Variants in COPS3 observed in about 807,000 individuals in gnomAD.
The protein encoded by COPS3 is COP9 signalosome complex subunit 3.
Under a neutral mutation model 58.2 loss-of-function variants are expected in COPS3, and 10 were observed. The ratio of observed to expected loss-of-function variants is 0.17; its 90% CI spans 0.11 to 0.29. The LOEUF (loss-of-function observed/expected upper bound fraction) is 0.29. Ranked by LOEUF, COPS3 falls within the 10% of genes least tolerant of loss-of-function variation. The pLI is 1.00. For synonymous variants in COPS3, 187 were observed against 181.7 expected, an observed-to-expected ratio of 1.03 and a Z score of -0.24; for missense variants, 333 against 510.1, an observed-to-expected ratio of 0.65 and a Z score of 3.34.
At chr17:17,266,395 CAT>C (rs1208680559) in intron 5 of COPS3, among the ~76,000 whole-genome samples, 1 of 152,144 alleles carries the variant, frequency 6.6e-6, no homozygotes, top group Non-Finnish European at 1.5e-5. Context: ...AAATAACTAA[CAT>C]AGTTTCCTTT....
At chr17:17,263,505 C>CTTTTTTTTTTTTTTTT (rs1400982096) in intron 6 of COPS3, among the ~76,000 whole-genome samples, 1 of 108,458 alleles carries the variant, frequency 9.2e-6, no homozygotes, top group Non-Finnish European at 1.8e-5. Flanking sequence ...AGCCTCTTGC[C>CTTTTTTTTTTTTTTTT]TTTTCTTTTT....
rs1205286961 is a variant in COPS3 at position 17,246,892 on chromosome 17, C to T, written c.*206G>A. 3.3e-5 allele frequency: 19 copies of T among 579,978 alleles called. No homozygotes were observed. The highest frequency in any genetic ancestry group is 4.6e-5 in the Non-Finnish European group (15 of 322,710). 35.9% of individuals were successfully genotyped at this position (579,978 alleles called of 1,614,324 possible). A position where few individuals can be genotyped will look rare whatever the true frequency, so the allele number is the denominator to read the frequency against. On this transcript the variant is annotated 3_prime_UTR_variant, in exon 12 of 12. Transcript: ENST00000268717. ...AATAATCTGAGGATAAATAAATCCA[C>T]GACAGACTTTAAAGTTTGCAAATCT...
At chr17:17,277,204 A>C (rs1343636730) in intron 1 of COPS3, among the ~76,000 whole-genome samples, 1 of 152,128 alleles carries the variant, frequency 6.6e-6, no homozygotes, top group African/African-American at 2.4e-5. Context: ...CTAGACCCTC[A>C]TCTCAGCTCC....
At chr17:17,247,262 G>T in intron 11 of COPS3, 111 bp from the exon 12 acceptor site, 1 of 1,117,952 alleles carries the variant, frequency 8.9e-7, no homozygotes, top group Non-Finnish European at 1.4e-6. Flanking sequence ...AGCCCCCTGT[G>T]AACAAGGGCA....
intron 8 of COPS3, among the ~76,000 whole-genome samples, chr17:17,257,789 T>A (rs1412313144): frequency 7.5e-6 from 1 of 133,418 alleles, no homozygotes; most frequent in African/African-American, 2.9e-5. Flanking sequence ...AGAGCAAGAC[T>A]CCGTCTCAAA....
intron 10 of COPS3, 27 bp from the exon 11 acceptor site, chr17:17,247,587 G>A (rs763556750): frequency 6.2e-6 from 10 of 1,612,092 alleles, no homozygotes; most frequent in Admixed American, 5.0e-5. Flanking sequence ...TTAGAAGGTG[G>A]TCAGCGGCGG....
intron 6 of COPS3, among the ~76,000 whole-genome samples, chr17:17,262,455 C>T (rs552975294): frequency 1.3e-5 from 2 of 152,084 alleles, no homozygotes; most frequent in South Asian, 2.1e-4. Flanking sequence ...AGAGGCCAGG[C>T]GCGGTGGCTT....
chr17:17,267,879 G>A lies in COPS3; in HGVS notation c.441+6C>T. On this transcript the variant is annotated splice_donor_region_variant and intron_variant, in intron 5 of 11. Transcript: ENST00000268717. Reference sequence around the variant, plus strand: ...TTGGTGTGAATCACACACTTTGGTTGCTTACCTGGCAGAGATCAGCATGTA... The same window carrying A: ...TTGGTGTGAATCACACACTTTGGTTACTTACCTGGCAGAGATCAGCATGTA... 6.2e-7 allele frequency: 1 copy of A among 1,612,870 alleles called. No individual in the cohort carries two copies. The highest frequency in any genetic ancestry group is 8.5e-7 in the Non-Finnish European group (1 of 1,179,266).
In COPS3 at chr17:17,254,871, G is replaced by A. The variant is rs758466784; in HGVS notation, c.1011C>T (p.Tyr337=). 8.2e-6 allele frequency: 13 copies of A among 1,586,392 alleles called. No homozygotes were observed. The highest frequency in any genetic ancestry group is 2.2e-5 in the East Asian group (1 of 44,518). The change falls in exon 9 of 12, where the codon TAC becomes TAT. Residue 337 remains tyrosine, a synonymous_variant. Coordinates refer to ENST00000268717, the MANE Select transcript of COPS3 (RefSeq NM_003653.4). The part of the protein sequence containing the change: ...QLSGPQEAEK[Y]VLHMIEDGEI... The stretch of plus-strand genomic sequence containing the variant: ...AAAATCCACTTACCATGTGCAGAAC[G>A]TATTTCTCTGCCTCCTGAGGTCCAG...
intron 9 of COPS3, among the ~76,000 whole-genome samples, chr17:17,249,720 G>A (rs903082594): frequency 2.6e-5 from 4 of 152,140 alleles, no homozygotes; most frequent in African/African-American, 4.8e-5. Context: ...TCCAACTCCC[G>A]ACTTTAGGTG....
intron 6 of COPS3, among the ~76,000 whole-genome samples, chr17:17,262,599 G>A (rs921300845): frequency 7.9e-5 from 12 of 151,896 alleles, no homozygotes; most frequent in Admixed American, 2.0e-4. Context: ...GTGTGGTGGT[G>A]GGCGCCTGTA....
chr17:17,266,265 A>G (rs550551157), intron 5 of COPS3, among the ~76,000 whole-genome samples: 2 of 152,250 alleles, frequency 1.3e-5, no homozygotes, highest in Non-Finnish European at 2.9e-5. Flanking sequence ...GATATGTTAA[A>G]TACAAAAAGC....
intron 2 of COPS3, among the ~76,000 whole-genome samples, chr17:17,272,080 G>C (rs892683453): frequency 6.6e-6 from 1 of 151,666 alleles, no homozygotes; most frequent in East Asian, 1.9e-4. Flanking sequence ...ACAAGGTCAG[G>C]AGTTCGAGAC....
chr17:17,271,249 G>A (rs1253743535), intron 2 of COPS3, among the ~76,000 whole-genome samples: 1 of 151,998 alleles, frequency 6.6e-6, no homozygotes, highest in Admixed American at 6.6e-5. Flanking sequence ...GAGCAACATG[G>A]TGAGACCCTG....
intron 2 of COPS3, among the ~76,000 whole-genome samples, chr17:17,271,299 C>T (rs766532611): frequency 1.3e-5 from 2 of 152,026 alleles, no homozygotes; most frequent in Non-Finnish European, 2.9e-5. Context: ...CGTGGGGGTA[C>T]ATGCCTGTAG....
At chr17:17,274,749 T>C (rs1244922578) in intron 2 of COPS3, among the ~76,000 whole-genome samples, 1 of 150,742 alleles carries the variant, frequency 6.6e-6, no homozygotes, top group Non-Finnish European at 1.5e-5. Context: ...TACATTTCAA[T>C]CGTGCTTTTT....
At chr17:17,273,503 G>A (rs1281279980) in intron 2 of COPS3, among the ~76,000 whole-genome samples, 2 of 152,100 alleles carry the variant, frequency 1.3e-5, no homozygotes, top group East Asian at 1.9e-4. Flanking sequence ...CTAGCACTTT[G>A]GGAGGCTCTG....
intron 2 of COPS3, among the ~76,000 whole-genome samples, chr17:17,273,632 C>T (rs558613689): frequency 5.3e-5 from 8 of 152,144 alleles, no homozygotes; most frequent in African/African-American, 1.9e-4. Flanking sequence ...GGGCAGATTG[C>T]TTGAGCTCAG....
chr17:17,255,576 A>G (rs138283868), intron 8 of COPS3, among the ~76,000 whole-genome samples: 3,881 of 151,338 alleles, frequency 0.026, 180 homozygotes, highest in African/African-American at 0.089. Context: ...GTGGTGGCTC[A>G]CACCTGTAAT....
Sources: allele counts gnomAD v4.1 joint callset (sites outside exome capture counted in the v4.1 genomes callset), GRCh38; gene constraint gnomAD v4.1.1; transcripts MANE v1.5; gene names NCBI Gene and HGNC (gene_info 2026-07-23, HGNC 2026-07-21).